Variants in CADM2 observed in about 807,000 individuals in gnomAD.
The protein encoded by CADM2 is immunoglobulin superfamily member 4D.
In CADM2, 12 loss-of-function variants were observed where a neutral mutation model predicts 49.8. The ratio of observed to expected loss-of-function variants is 0.24; its 90% CI spans 0.15 to 0.39. The LOEUF is 0.39. CADM2 is among the 10% of genes least tolerant of loss of function. CADM2 has a pLI of 1.00. For synonymous variants in CADM2, 214 were observed against 175.4 expected (o/e 1.22, Z -1.74); for missense variants, 378 against 492.3 (o/e 0.77, Z 2.20).
intron 1 of CADM2, among the ~76,000 whole-genome samples, chr3:85,385,498 C>T (rs1048187330): frequency 2.6e-5 from 4 of 151,944 alleles, no homozygotes; most frequent in Non-Finnish European, 4.4e-5. Flanking sequence ...TGGTAAATAA[C>T]TTATTCATCC....
chr3:85,770,289 G>T (rs2070010380), intron 2 of CADM2, among the ~76,000 whole-genome samples: 1 of 152,016 alleles, frequency 6.6e-6, no homozygotes, highest in Admixed American at 6.6e-5. Context: ...TAAAAATGAA[G>T]CACAGGTAAT....
chr3:85,184,997 A>T (rs1296159997), intron 1 of CADM2, among the ~76,000 whole-genome samples: 1 of 152,114 alleles, frequency 6.6e-6, no homozygotes, highest in Non-Finnish European at 1.5e-5. Context: ...ACTTTGAAAC[A>T]TCCTTACAAA....
chr3:85,439,006 A>C (rs1388678049), intron 1 of CADM2, among the ~76,000 whole-genome samples: 1 of 150,546 alleles, frequency 6.6e-6, no homozygotes, highest in Non-Finnish European at 1.5e-5. Flanking sequence ...TTTCTTGATA[A>C]ATATGATTGC....
chr3:85,258,256 G>T (rs1475591882), intron 1 of CADM2, among the ~76,000 whole-genome samples: 1 of 152,044 alleles, frequency 6.6e-6, no homozygotes, highest in African/African-American at 2.4e-5. Flanking sequence ...GCAGCATTAA[G>T]GAAAGCTCTG....
chr3:85,977,166 A>G (rs1242980396), intron 8 of CADM2, among the ~76,000 whole-genome samples: 1 of 151,168 alleles, frequency 6.6e-6, no homozygotes, highest in Non-Finnish European at 1.5e-5. Flanking sequence ...AAACAAAACA[A>G]AACAAAACTA....
At chr3:86,051,235 A>G (rs1737305110) in intron 8 of CADM2, among the ~76,000 whole-genome samples, 1 of 151,942 alleles carries the variant, frequency 6.6e-6, no homozygotes, top group Non-Finnish European at 1.5e-5. Context: ...TCCCTAGGGC[A>G]GGACTCAATG....
intron 1 of CADM2, among the ~76,000 whole-genome samples, chr3:85,144,620 A>AAAAAG (rs373935603): frequency 0.32 from 44,093 of 136,100 alleles, 9,183 homozygotes; most frequent in Non-Finnish European, 0.46. Context: ...TCAAAAAAAA[A>AAAAAG]AAAGAAAGAA....
chr3:85,486,255 T>A (rs561074973), intron 1 of CADM2, among the ~76,000 whole-genome samples: 1 of 152,150 alleles, frequency 6.6e-6, no homozygotes, highest in Non-Finnish European at 1.5e-5. Context: ...TTTTATGGCG[T>A]ATGTAATTTA....
chr3:85,575,408 T>A (rs2062602004), intron 1 of CADM2, among the ~76,000 whole-genome samples: 1 of 151,986 alleles, frequency 6.6e-6, no homozygotes, highest in Non-Finnish European at 1.5e-5. Context: ...AAGATTAGCC[T>A]TGCGTGGTGG....
intron 1 of CADM2, among the ~76,000 whole-genome samples, chr3:85,545,323 C>T (rs186075237): frequency 6.6e-6 from 1 of 152,274 alleles, no homozygotes; most frequent in Admixed American, 6.5e-5. Flanking sequence ...GTTCCATGCA[C>T]TGTGTTATGT....
chr3:85,116,877 C>A (rs2038658360), intron 1 of CADM2, among the ~76,000 whole-genome samples: 1 of 152,080 alleles, frequency 6.6e-6, no homozygotes, highest in Non-Finnish European at 1.5e-5. Context: ...AATATGAATA[C>A]TTTTAGTAGC....
chr3:85,999,788 G>T (rs1203400385), intron 8 of CADM2, among the ~76,000 whole-genome samples: 1 of 152,052 alleles, frequency 6.6e-6, no homozygotes, highest in Non-Finnish European at 1.5e-5. Flanking sequence ...CAGACTGCAG[G>T]ACTTTAAAAG....
intron 1 of CADM2, among the ~76,000 whole-genome samples, chr3:85,536,005 C>T (rs1268637320): frequency 6.6e-6 from 1 of 151,916 alleles, no homozygotes; most frequent in Middle Eastern, 3.2e-3. Flanking sequence ...TCTTGTTTGT[C>T]CCAGCAATGC....
chr3:85,573,251 G>T (rs1576838578), intron 1 of CADM2, among the ~76,000 whole-genome samples: 1 of 151,606 alleles, frequency 6.6e-6, no homozygotes, highest in East Asian at 1.9e-4. Flanking sequence ...GGAGTGCAGT[G>T]GTGTGATCTT....
intron 1 of CADM2, among the ~76,000 whole-genome samples, chr3:85,681,832 G>T (rs2107658567): frequency 6.6e-6 from 1 of 152,162 alleles, no homozygotes; most frequent in South Asian, 2.1e-4. Context: ...ACTGTTAAGT[G>T]AATAATTTCA....
At chr3:85,666,889 G>T (rs2065585734) in intron 1 of CADM2, among the ~76,000 whole-genome samples, 1 of 151,776 alleles carries the variant, frequency 6.6e-6, no homozygotes, top group Non-Finnish European at 1.5e-5. Flanking sequence ...ACCAGTTAAG[G>T]GATGTCATAG....
At chr3:85,488,279 G>T (rs1042720081) in intron 1 of CADM2, among the ~76,000 whole-genome samples, 4 of 152,084 alleles carry the variant, frequency 2.6e-5, no homozygotes, top group Admixed American at 2.0e-4. Flanking sequence ...ATGTTAAAGT[G>T]CTCCTTGTCC....
At chr3:84,988,355 C>G (rs747302926) in intron 1 of CADM2, among the ~76,000 whole-genome samples, 1 of 152,232 alleles carries the variant, frequency 6.6e-6, no homozygotes, top group Non-Finnish European at 1.5e-5. Flanking sequence ...CAAGTTCTAG[C>G]CAGTGCTAAT....
chr3:85,359,666 A>ATATATATATATATATATATATATATTTTT, intron 1 of CADM2, among the ~76,000 whole-genome samples: 31 of 26,518 alleles, frequency 1.2e-3, no homozygotes, highest in Non-Finnish European at 2.0e-3. Context: ...ATATATATAT[A>ATATATATATATATATATATATATATTTTT]TTTTTTTTTT....
Sources: allele counts gnomAD v4.1 joint callset (sites outside exome capture counted in the v4.1 genomes callset), GRCh38; gene constraint gnomAD v4.1.1; transcripts MANE v1.5; gene names NCBI Gene and HGNC (gene_info 2026-07-23, HGNC 2026-07-21).